ERMP1: variants seen among roughly 807,000 people sequenced by gnomAD.
The protein encoded by ERMP1 is endoplasmic reticulum metallopeptidase 1.
Under a neutral mutation model 92.0 loss-of-function variants are expected in ERMP1, and 86 were observed. That is an observed-to-expected ratio of 0.93 (90% CI 0.79 to 1.12). The LOEUF (loss-of-function observed/expected upper bound fraction) is 1.12. Among genes scored for constraint, ERMP1 ranks in the 50% most tolerant of loss-of-function variants. The pLI is 0.00. For synonymous variants in ERMP1, 530 were observed against 412.8 expected, an observed-to-expected ratio of 1.28 and a Z score of -3.44; for missense variants, 1,342 against 1,116.3, an observed-to-expected ratio of 1.20 and a Z score of -2.88.
chr9:5,799,047 G>A, intron 11 of ERMP1, 39 bp from the exon 12 acceptor site: 3 of 1,467,548 alleles, frequency 2.0e-6, no homozygotes, highest in Non-Finnish European at 2.9e-6. Flanking sequence ...GTTTCAACTA[G>A]TACACCCACA....
rs527390745 is a variant in ERMP1, at chr9:5,846,909, G to C, written n.3199+12559C>G. Among the ~76,000 whole-genome samples the C allele has an allele frequency of 2.0e-5, 3 of 152,284 alleles. No homozygotes were observed. In the South Asian group the frequency reaches 6.2e-4, roughly 32 times the overall value. On this transcript the variant is annotated intron_variant and non_coding_transcript_variant, in intron 6 of 6. Coordinates refer to the ERMP1 transcript ENST00000690753. ...CATGGAACTGGACGCCCTTTAATTA[G>C]GAAACTCTGAATGGGTATGCTGCAG... is the stretch of plus-strand genomic sequence containing the variant.
At chr9:5,865,463 G>A (rs1016798216) in intron 5 of ERMP1, among the ~76,000 whole-genome samples, 3 of 150,706 alleles carry the variant, frequency 2.0e-5, no homozygotes, top group Non-Finnish European at 4.4e-5. Flanking sequence ...AGCCGAGATC[G>A]CGCCACTGTG....
intron 2 of ERMP1, among the ~76,000 whole-genome samples, chr9:5,828,981 C>A (rs1179141750): frequency 1.3e-5 from 2 of 152,032 alleles, no homozygotes; most frequent in African/African-American, 4.8e-5. Flanking sequence ...CAGTGGCTCA[C>A]ACCTATAATC....
intron 6 of ERMP1, among the ~76,000 whole-genome samples, chr9:5,843,420 G>A (rs1173792208): frequency 6.6e-6 from 1 of 152,220 alleles, no homozygotes; most frequent in African/African-American, 2.4e-5. Flanking sequence ...CCCACCTGCT[G>A]CCAGTTTGAA....
Position 5,832,755 on chromosome 9 carries a change from C to T in ERMP1, c.273G>A (p.Ser91=). The T allele has an allele frequency of 6.7e-7, 1 of 1,499,110 alleles. No individual in the cohort carries two copies. The highest frequency in any genetic ancestry group is 8.8e-7 in the Non-Finnish European group (1 of 1,132,644). The allele number at this position is 1,499,110 out of a possible 1,614,324, so 92.9% of individuals were successfully genotyped here. The change falls in exon 1 of 15, where the codon TCG becomes TCA. Residue 91 remains serine (S), a synonymous_variant. Coordinates refer to ENST00000339450, the MANE Select transcript of ERMP1 (RefSeq NM_024896.3). ...LIALRTLVQL[S]LQQLVLRGAA... ...CCCCGCGTAGCACGAGCTGCTGCAG[C>T]GAGAGCTGCACCAGCGTCCGCAGCG...
chr9:5,794,196 G>A (rs1396715701), intron 13 of ERMP1, among the ~76,000 whole-genome samples: 1 of 151,856 alleles, frequency 6.6e-6, no homozygotes, highest in East Asian at 1.9e-4. Flanking sequence ...TAACAAATGG[G>A]TCAAAAAAGA....
At chr9:5,812,789 T>G (rs146167449) in intron 5 of ERMP1, 100 bp downstream of exon 5, 2 of 1,311,222 alleles carry the variant, frequency 1.5e-6, no homozygotes, top group Non-Finnish European at 2.2e-6. Context: ...ATAAAGAATT[T>G]GATCTCAGAA....
chr9:5,804,876 T>C (rs1339753697), intron 10 of ERMP1, 151 bp downstream of exon 10: 2 of 639,310 alleles, frequency 3.1e-6, no homozygotes, highest in Admixed American at 3.2e-5. Context: ...CGATACCAAA[T>C]TTACAAGATG....
At chr9:5,803,732 T>C (rs1326254098) in intron 10 of ERMP1, among the ~76,000 whole-genome samples, 1 of 152,142 alleles carries the variant, frequency 6.6e-6, no homozygotes, top group Non-Finnish European at 1.5e-5. Flanking sequence ...AGGGTTACTA[T>C]TAAACTCAAA....
chr9:5,861,080 G>A (rs1563786678), intron 5 of ERMP1, among the ~76,000 whole-genome samples: 1 of 151,740 alleles, frequency 6.6e-6, no homozygotes, highest in Non-Finnish European at 1.5e-5. Flanking sequence ...CACACAAAAT[G>A]GACTGAGACA....
At chr9:5,827,833 C>T (rs764185478) in intron 2 of ERMP1, among the ~76,000 whole-genome samples, 11 of 149,448 alleles carry the variant, frequency 7.4e-5, no homozygotes, top group Non-Finnish European at 8.9e-5. Flanking sequence ...AAAAAATTCG[C>T]AAGGCATGGT....
At chr9:5,834,818 C>A (rs1239443040), upstream of ERMP1, among the ~76,000 whole-genome samples, 3 of 146,778 alleles carry the variant, frequency 2.0e-5, no homozygotes, top group Non-Finnish European at 4.5e-5. Context: ...ACGGGTAGAT[C>A]TGAGTTCCTG....
upstream of ERMP1, among the ~76,000 whole-genome samples, chr9:5,835,148 T>C (rs1333035012): frequency 6.6e-6 from 1 of 152,180 alleles, no homozygotes; most frequent in African/African-American, 2.4e-5. Context: ...CTCTAGGTGG[T>C]AGGAGTTAAG....
At chr9:5,864,246 T>C (rs1185581066) in intron 5 of ERMP1, among the ~76,000 whole-genome samples, 1 of 152,196 alleles carries the variant, frequency 6.6e-6, no homozygotes, top group East Asian at 1.9e-4. Context: ...GGAAATAGGA[T>C]CTCTGGGTGA....
intron 4 of ERMP1, among the ~76,000 whole-genome samples, chr9:5,814,424 T>G (rs10815285): frequency 0.35 from 53,459 of 152,038 alleles, 10,624 homozygotes; most frequent in East Asian, 0.75. Context: ...CTTCACAGAT[T>G]ATAAAATTGC....
rs1016741932 is a variant in ERMP1, at chr9:5,805,681, A to T, written c.1653T>A (p.Phe551Leu). 5.6e-6 allele frequency: 9 copies of T among 1,613,688 alleles called. No individual in the cohort carries two copies. The highest frequency in any genetic ancestry group is 6.8e-6 in the Non-Finnish European group (8 of 1,179,888). ...TLTYQGLCSAFISAVWVAFPL... is the reference protein window; with the variant it reads ...TLTYQGLCSALISAVWVAFPL... ...GGAATGCTACCCAGACAGCACTAAT[A>T]AACGCCGAGCAAAGTCCTTGGTAAG... The change falls in exon 9 of 15, where the codon TTT becomes TTA. Residue 551 changes from phenylalanine to leucine, a missense_variant. Transcript: ENST00000339450.
At chr9:5,809,837 T>C (rs773602337) in intron 8 of ERMP1, among the ~76,000 whole-genome samples, 174 bp downstream of exon 8, 1 of 152,226 alleles carries the variant, frequency 6.6e-6, no homozygotes, top group Non-Finnish European at 1.5e-5. Context: ...TTTGTGACAT[T>C]ACCCTCAGAA....
intron 6 of ERMP1, among the ~76,000 whole-genome samples, chr9:5,846,910 G>A (rs1037299263): frequency 3.3e-5 from 5 of 152,156 alleles, no homozygotes. Context: ...CTTTAATTAG[G>A]AAACTCTGAA....
At chr9:5,858,594 C>T (rs1441890101) in intron 6 of ERMP1, among the ~76,000 whole-genome samples, 2 of 152,310 alleles carry the variant, frequency 1.3e-5, no homozygotes, top group East Asian at 3.9e-4. Flanking sequence ...CCCACCTCCT[C>T]CTCCGGAGCA....
Sources: gnomAD v4.1 joint callset for allele counts (sites outside exome capture counted in the v4.1 genomes callset) on GRCh38, gnomAD v4.1.1 for gene constraint, MANE v1.5 for transcripts, NCBI Gene and HGNC (gene_info 2026-07-23, HGNC 2026-07-21) for gene names.